Variants in ASTN1 observed in about 807,000 individuals in gnomAD.
The protein encoded by ASTN1 is astrotactin 1, also known as astrotactin-1.
A neutral mutation model predicts 140.7 loss-of-function variants in ASTN1; 41 were observed. That is an observed-to-expected ratio of 0.29 (90% CI 0.23 to 0.38). The LOEUF (loss-of-function observed/expected upper bound fraction) is 0.38. Among genes scored for constraint, ASTN1 ranks in the 10% least tolerant of loss-of-function variants. The probability of loss-of-function intolerance (pLI) is 1.00; values close to 1 mark genes in which losing one functional copy is unlikely to be tolerated. For synonymous variants in ASTN1, 640 were observed against 652.2 expected (o/e 0.98, Z 0.29); for missense variants, 1,479 against 1,678.8 (o/e 0.88, Z 2.08).
Position 176,934,209 on chromosome 1 carries a change from A to G in ASTN1, c.2614T>C (p.Tyr872His). ...CGCCGCTGGACCTGCTTGTTTGGGT[A>G]CCAGATAGAACAGGACTCCTCAAAG... ...YGFEESCSIW[Y>H]PNKQVQRRLW... Residue 872 changes from tyrosine (Y) to histidine (H), a missense_variant, in exon 16 of 23, where the codon TAC (tyrosine) becomes CAC (histidine). This residue lies in a region of ASTN1 where 746 missense variants were observed against 800.9 expected (regional missense o/e 0.93). Coordinates refer to ENST00000361833, the MANE Select transcript of ASTN1 (RefSeq NM_004319.3). 2 of 1,613,806 alleles carry G rather than the reference A, an allele frequency of 1.2e-6. No individual in the cohort carries two copies. Among genetic ancestry groups the G allele is most frequent in the African/African-American group, 2.7e-5 (2 of 75,004 alleles).
intron 1 of ASTN1, among the ~76,000 whole-genome samples, chr1:177,136,277 A>G (rs921039799): frequency 6.6e-6 from 1 of 152,110 alleles, no homozygotes; most frequent in Non-Finnish European, 1.5e-5. Flanking sequence ...TAAATATCCC[A>G]ATAGAATAGT....
intron 2 of ASTN1, among the ~76,000 whole-genome samples, chr1:177,034,552 A>G (rs1676616833): frequency 6.6e-6 from 1 of 151,910 alleles, no homozygotes; most frequent in Non-Finnish European, 1.5e-5. Context: ...CTCCACTCCC[A>G]TCCATCCTGG....
chr1:176,975,987 C>T (rs563998842), intron 8 of ASTN1: 11 of 152,186 alleles, frequency 7.2e-5, no homozygotes, highest in Middle Eastern at 3.4e-3. Context: ...AATTGCAATC[C>T]AGCCTAAGAA....
intron 1 of ASTN1, among the ~76,000 whole-genome samples, chr1:177,101,800 T>C (rs780221266): frequency 1.2e-4 from 19 of 152,190 alleles, no homozygotes; most frequent in South Asian, 2.1e-4. Context: ...CAAGAATAAT[T>C]GCACCCATAG....
intron 1 of ASTN1, among the ~76,000 whole-genome samples, chr1:177,146,845 G>T (rs1161669712): frequency 6.6e-6 from 1 of 152,046 alleles, no homozygotes; most frequent in African/African-American, 2.4e-5. Flanking sequence ...TAAAAATTGT[G>T]TTACAAGACA....
rs1305532888 is a variant in ASTN1, at chr1:176,963,368, C to A, written c.1598+1795G>T. Among the ~76,000 whole-genome samples, 5 of 152,206 alleles carry A rather than the reference C, an allele frequency of 3.3e-5. No homozygotes were observed. In the Middle Eastern group the frequency reaches 0.014, roughly 414 times the overall value. On this transcript the variant is annotated intron_variant, in intron 9 of 22. Coordinates refer to ENST00000361833, the MANE Select transcript of ASTN1 (RefSeq NM_004319.3). ...CGTTGGTAGGTGGTTTACTCAGATG[C>A]CAGAGTGGTTTCTATTAAAGTTCCT... is the stretch of plus-strand genomic sequence containing the variant.
At chr1:177,063,724 A>T (rs1678212994) in intron 1 of ASTN1, among the ~76,000 whole-genome samples, 1 of 152,108 alleles carries the variant, frequency 6.6e-6, no homozygotes, top group South Asian at 2.1e-4. Context: ...CTCCCAAGAA[A>T]CACACTCTCC....
At chr1:176,979,204 G>A (rs1673498812) in intron 8 of ASTN1, among the ~76,000 whole-genome samples, 2 of 152,150 alleles carry the variant, frequency 1.3e-5, no homozygotes, top group African/African-American at 4.8e-5. Context: ...TGGTCATCAA[G>A]ACTCCTGCAT....
chr1:176,881,150 A>G lies in ASTN1; in HGVS notation c.3362+1709T>C, dbSNP rs1356066792. On this transcript the variant is annotated intron_variant, in intron 20 of 22. Transcript: ENST00000361833. ...AGGAATGTCACTCCTGGCCTCCCAC[A>G]CGGCCCTCTTCTTGTGATCTGCAGC... 2.0e-5 allele frequency among the ~76,000 whole-genome samples: 3 copies of G among 152,276 alleles called. No individual in the cohort carries two copies. The East Asian group carries it at 5.8e-4, about 29-fold the overall frequency.
intron 16 of ASTN1, among the ~76,000 whole-genome samples, chr1:176,922,228 G>A (rs1188885648): frequency 1.3e-5 from 2 of 152,088 alleles, no homozygotes; most frequent in African/African-American, 2.4e-5. Flanking sequence ...TTGAAACTGG[G>A]TTGTTAATGG....
chr1:177,001,871 C>T (rs953914892), intron 8 of ASTN1, among the ~76,000 whole-genome samples: 18 of 152,190 alleles, frequency 1.2e-4, no homozygotes, highest in African/African-American at 4.3e-4. Flanking sequence ...CCACTTGTGA[C>T]CATCCAACAA....
intron 1 of ASTN1, among the ~76,000 whole-genome samples, chr1:177,076,068 G>A (rs1033365884): frequency 2.0e-5 from 3 of 151,584 alleles, no homozygotes; most frequent in Admixed American, 6.6e-5. Context: ...TCATGAGGTC[G>A]AAAGATCGAG....
At chr1:176,935,915 T>C (rs931162193) in intron 15 of ASTN1, 1 of 358,604 alleles carries the variant, frequency 2.8e-6, no homozygotes, top group African/African-American at 2.1e-5. Context: ...TAAATTATGC[T>C]CTTTGCATTT....
At chr1:176,997,579 G>A (rs1004717950) in intron 8 of ASTN1, among the ~76,000 whole-genome samples, 4 of 151,924 alleles carry the variant, frequency 2.6e-5, no homozygotes, top group African/African-American at 9.7e-5. Flanking sequence ...GATGTGATGT[G>A]TCCCTGTGAG....
intron 16 of ASTN1, among the ~76,000 whole-genome samples, chr1:176,913,940 G>A (rs180881515): frequency 2.7e-4 from 41 of 152,332 alleles, no homozygotes; most frequent in Admixed American, 2.7e-3. Context: ...TTGATTAGAA[G>A]AGACAAACAA....
intron 1 of ASTN1, among the ~76,000 whole-genome samples, chr1:177,129,503 G>A (rs1333608976): frequency 6.6e-6 from 1 of 152,166 alleles, no homozygotes; most frequent in Non-Finnish European, 1.5e-5. Context: ...CTGAGAGGCT[G>A]AATATCTTTG....
intron 2 of ASTN1, among the ~76,000 whole-genome samples, chr1:177,058,715 T>G (rs919840184): frequency 1.3e-5 from 2 of 152,196 alleles, no homozygotes; most frequent in African/African-American, 4.8e-5. Flanking sequence ...CATTGATTTT[T>G]GGGGAACAGA....
intron 8 of ASTN1, among the ~76,000 whole-genome samples, chr1:176,975,482 C>T (rs1386618806): frequency 2.0e-5 from 3 of 152,214 alleles, no homozygotes; most frequent in African/African-American, 4.8e-5. Context: ...AGTCTACATA[C>T]AGGGCTGTTG....
At chr1:176,971,727 A>G (rs897654045) in intron 8 of ASTN1, among the ~76,000 whole-genome samples, 5 of 152,174 alleles carry the variant, frequency 3.3e-5, no homozygotes, top group Non-Finnish European at 5.9e-5. Flanking sequence ...CATCATGACT[A>G]CTATACCCAC....
Sources: gnomAD v4.1 joint callset for allele counts (sites outside exome capture counted in the v4.1 genomes callset) on GRCh38, gnomAD v4.1.1 for gene constraint, gnomAD v4.1.1 regional missense constraint, MANE v1.5 for transcripts, NCBI Gene and HGNC (gene_info 2026-07-23, HGNC 2026-07-21) for gene names.